The following FAM107B variants were observed in gnomAD, a reference collection of about 807,000 sequenced individuals.
The protein encoded by FAM107B is protein FAM107B.
A neutral mutation model predicts 31.5 loss-of-function variants in FAM107B; 21 were observed. The ratio of observed to expected loss-of-function variants is 0.67; its 90% CI spans 0.47 to 0.96. The LOEUF (loss-of-function observed/expected upper bound fraction) is 0.96. Ranked by LOEUF, FAM107B falls within the 40% of genes least tolerant of loss-of-function variation. FAM107B has a pLI of 0.00. For missense variants in FAM107B, 452 were observed against 377.1 expected, an observed-to-expected ratio of 1.20 and a Z score of -1.64; for synonymous variants, 157 against 141.5, an observed-to-expected ratio of 1.11 and a Z score of -0.78.
intron 2 of FAM107B, among the ~76,000 whole-genome samples, chr10:14,632,484 G>T (rs1853388542): frequency 6.6e-6 from 1 of 150,912 alleles, no homozygotes; most frequent in South Asian, 2.1e-4. Flanking sequence ...GGTGGCGGGC[G>T]CCTGTAGTCC....
chr10:14,753,225 G>T (rs769247104), intron 1 of FAM107B, among the ~76,000 whole-genome samples: 1 of 152,098 alleles, frequency 6.6e-6, no homozygotes, highest in South Asian at 2.1e-4. Context: ...GCACACAAAG[G>T]TATACACTCA....
chr10:14,562,293 C>T (rs571825413), intron 2 of FAM107B, among the ~76,000 whole-genome samples: 2 of 152,326 alleles, frequency 1.3e-5, no homozygotes, highest in South Asian at 4.1e-4. Context: ...TCACAGTCTA[C>T]ACTTCAAAGG....
chr10:14,656,983 G>A (rs1400540901), intron 2 of FAM107B, among the ~76,000 whole-genome samples: 2 of 152,210 alleles, frequency 1.3e-5, no homozygotes, highest in Non-Finnish European at 2.9e-5. Flanking sequence ...GGTGTCCCAT[G>A]GGCATGTGAG....
chr10:14,548,219 G>A (rs1848893238), intron 2 of FAM107B, among the ~76,000 whole-genome samples: 2 of 152,176 alleles, frequency 1.3e-5, no homozygotes, highest in South Asian at 2.1e-4. Context: ...AGCAAGACGT[G>A]GTCCAGGAGC....
intron 1 of FAM107B, among the ~76,000 whole-genome samples, chr10:14,702,636 T>C (rs1855427988): frequency 6.6e-6 from 1 of 152,220 alleles, no homozygotes; most frequent in South Asian, 2.1e-4. Flanking sequence ...AGGCATGAGC[T>C]GCTGCACCTG....
At chr10:14,594,799 A>G (rs900984330) in intron 2 of FAM107B, among the ~76,000 whole-genome samples, 38 of 152,314 alleles carry the variant, frequency 2.5e-4, no homozygotes, top group African/African-American at 8.4e-4. Flanking sequence ...AATAATGGCC[A>G]TAACTGTGCC....
intron 2 of FAM107B, among the ~76,000 whole-genome samples, chr10:14,649,504 C>T (rs1195152789): frequency 6.6e-6 from 1 of 152,122 alleles, no homozygotes; most frequent in African/African-American, 2.4e-5. Flanking sequence ...ATAATAAGAA[C>T]CTTAGTCTCC....
At chr10:14,762,083 G>GTGGT (rs768857721) in intron 1 of FAM107B, among the ~76,000 whole-genome samples, 57 of 152,132 alleles carry the variant, frequency 3.7e-4, no homozygotes, top group Non-Finnish European at 6.2e-4. Context: ...TGCACCTGGA[G>GTGGT]TGGTTCCATG....
chr10:14,576,502 A>T (rs1851469816), intron 2 of FAM107B, among the ~76,000 whole-genome samples: 1 of 151,982 alleles, frequency 6.6e-6, no homozygotes, highest in Non-Finnish European at 1.5e-5. Context: ...ACTCCAGCCT[A>T]GGCAACAGTG....
chr10:14,671,729 G>A (rs1304232740), intron 1 of FAM107B, among the ~76,000 whole-genome samples: 1 of 152,040 alleles, frequency 6.6e-6, no homozygotes, highest in Admixed American at 6.6e-5. Context: ...TGAAACTGAA[G>A]CCCACACAAA....
chr10:14,571,747 C>T, intron 2 of FAM107B: 1 of 982,074 alleles, frequency 1.0e-6, no homozygotes, highest in Non-Finnish European at 1.2e-6. Context: ...AGAAAAGTCC[C>T]AGTGTTTATT....
At chr10:14,633,265 T>C (rs1853414868) in intron 2 of FAM107B, among the ~76,000 whole-genome samples, 1 of 151,648 alleles carries the variant, frequency 6.6e-6, no homozygotes, top group Non-Finnish European at 1.5e-5. Flanking sequence ...GGAGGGATCA[T>C]GTGTAATTTA....
intron 2 of FAM107B, among the ~76,000 whole-genome samples, chr10:14,591,500 C>G (rs1430393047): frequency 6.6e-6 from 1 of 152,146 alleles, no homozygotes; most frequent in Non-Finnish European, 1.5e-5. Flanking sequence ...CAGTTTTCCC[C>G]GATACCCTGG....
At chr10:14,729,353 G>T (rs144948258) in intron 1 of FAM107B, among the ~76,000 whole-genome samples, 106 of 152,220 alleles carry the variant, frequency 7.0e-4, no homozygotes, top group African/African-American at 2.5e-3. Context: ...GTCCAGAAAG[G>T]ATATGTAAGC....
chr10:14,642,865 TGAAAA>T (rs750297387), intron 2 of FAM107B, among the ~76,000 whole-genome samples: 267 of 152,356 alleles, frequency 1.8e-3, no homozygotes, highest in Non-Finnish European at 3.2e-3. Context: ...TGTTAGTTTA[TGAAAA>T]GAATCATCTT....
intron 1 of FAM107B, among the ~76,000 whole-genome samples, chr10:14,678,139 AC>A (rs1038427462): frequency 2.6e-5 from 4 of 152,098 alleles, no homozygotes; most frequent in Non-Finnish European, 5.9e-5. Context: ...GACAAACCCT[AC>A]CCCACGCTGA....
At chr10:14,660,044 A>C (rs1439744235) in intron 2 of FAM107B, among the ~76,000 whole-genome samples, 2 of 152,188 alleles carry the variant, frequency 1.3e-5, no homozygotes, top group Non-Finnish European at 2.9e-5. Flanking sequence ...CCAACTCCGA[A>C]AATGTGCTGG....
At chr10:14,527,910 C>T (rs1192348259) in intron 3 of FAM107B, 1 of 236,702 alleles carries the variant, frequency 4.2e-6, no homozygotes, top group Non-Finnish European at 8.7e-6. Flanking sequence ...TTTAAAATCA[C>T]TGTATTTCTA....
In FAM107B at chr10:14,724,111, C is replaced by G. The variant is rs563614653; in HGVS notation, c.411+50142G>C. 128 of 576,966 alleles carry G rather than the reference C, an allele frequency of 2.2e-4. No homozygotes were observed. In the African/African-American group the frequency reaches 2.3e-3, roughly 10 times the overall value. The allele number at this position is 576,966 out of a possible 1,614,324, so 35.7% of individuals were successfully genotyped here. ...AATCCAGAACAATGCCAAATGGACT[C>G]CTCTGTGGGTAGCGCGGAAAGGCTG... On this transcript the variant is annotated intron_variant, in intron 1 of 4. Coordinates refer to ENST00000181796, the MANE Select transcript of FAM107B (RefSeq NM_031453.4).
Sources: gnomAD v4.1 joint callset for allele counts (sites outside exome capture counted in the v4.1 genomes callset) on GRCh38, gnomAD v4.1.1 for gene constraint, MANE v1.5 for transcripts, NCBI Gene and HGNC (gene_info 2026-07-23, HGNC 2026-07-21) for gene names.